KDM7A: variants seen among roughly 807,000 people sequenced by gnomAD.
KDM7A encodes lysine demethylase 7A, also known as lysine-specific demethylase 7A.
Under a neutral mutation model 114.8 loss-of-function variants are expected in KDM7A, and 28 were observed. The observed-to-expected ratio is 0.24, with a 90% CI of 0.18 to 0.33. KDM7A has a LOEUF of 0.33. Ranked by LOEUF, KDM7A falls within the 10% of genes least tolerant of loss-of-function variation. KDM7A has a pLI of 1.00. For synonymous variants in KDM7A, 423 were observed against 397.8 expected (o/e 1.06, Z -0.75); for missense variants, 942 against 1,142.5 (o/e 0.82, Z 2.53).
At chr7:140,150,904 A>G (rs1281581611) in intron 1 of KDM7A, among the ~76,000 whole-genome samples, 1 of 150,746 alleles carries the variant, frequency 6.6e-6, no homozygotes, top group Non-Finnish European at 1.5e-5. Context: ...TCTCAGCTCA[A>G]TGCAACCTCC....
At chr7:140,148,823 T>A (rs1794369321) in intron 1 of KDM7A, among the ~76,000 whole-genome samples, 1 of 152,212 alleles carries the variant, frequency 6.6e-6, no homozygotes, top group Non-Finnish European at 1.5e-5. Context: ...TAAAACTGTT[T>A]TCACAAAATT....
At chr7:140,172,788 T>C (rs1311338158) in intron 1 of KDM7A, among the ~76,000 whole-genome samples, 1 of 152,166 alleles carries the variant, frequency 6.6e-6, no homozygotes, top group African/African-American at 2.4e-5. Flanking sequence ...GGAAAAAGTA[T>C]ACATCAATGA....
At chr7:140,154,461 C>T (rs1585163745) in intron 1 of KDM7A, among the ~76,000 whole-genome samples, 2 of 146,874 alleles carry the variant, frequency 1.4e-5, no homozygotes, top group East Asian at 4.0e-4. Flanking sequence ...CGCTGCACTC[C>T]AGCCTGGGAG....
At chr7:140,145,023 C>T (rs1794325419) in intron 1 of KDM7A, among the ~76,000 whole-genome samples, 1 of 152,178 alleles carries the variant, frequency 6.6e-6, no homozygotes, top group Non-Finnish European at 1.5e-5. Context: ...AGCCATAGAA[C>T]CATGAGTCAA....
chr7:140,118,758 G>C (rs1204051529), intron 9 of KDM7A, among the ~76,000 whole-genome samples: 1 of 152,014 alleles, frequency 6.6e-6, no homozygotes. Flanking sequence ...CATATAATAG[G>C]TAACAGTCTC....
At chr7:140,152,858 A>G (rs1031584178) in intron 1 of KDM7A, among the ~76,000 whole-genome samples, 1 of 151,940 alleles carries the variant, frequency 6.6e-6, no homozygotes, top group Non-Finnish European at 1.5e-5. Flanking sequence ...CTCAAAGTCC[A>G]TTTTGTAATT....
intron 1 of KDM7A, among the ~76,000 whole-genome samples, chr7:140,148,443 CA>C (rs1332365544): frequency 1.3e-5 from 2 of 151,870 alleles, no homozygotes; most frequent in Admixed American, 6.6e-5. Context: ...GAAATAGTAA[CA>C]GTAACCCCCT....
At chr7:140,109,466 T>C (rs1818398090) in intron 11 of KDM7A, among the ~76,000 whole-genome samples, 1 of 152,256 alleles carries the variant, frequency 6.6e-6, no homozygotes, top group South Asian at 2.1e-4. Flanking sequence ...TCCCACACTT[T>C]ATCTATTCAC....
chr7:140,127,430 A>T lies in KDM7A; in HGVS notation c.701+12T>A. 1 of 1,609,226 alleles carries T rather than the reference A, an allele frequency of 6.2e-7. No individual in the cohort carries two copies. On this transcript the variant is annotated intron_variant, in intron 5 of 19. Transcript: ENST00000397560. ...CTCAGAATGCTAAACCAAAATACCC[A>T]GAACTACTCACTTTGTATCTGAAAA...
intron 2 of KDM7A, among the ~76,000 whole-genome samples, chr7:140,136,268 G>A (rs1818869273): frequency 6.6e-6 from 1 of 152,306 alleles, no homozygotes; most frequent in East Asian, 1.9e-4. Context: ...CATAGGTTAA[G>A]TACTTACTTA....
In KDM7A at chr7:140,088,833, C is replaced by A; in HGVS notation, c.*2261G>T. Reference sequence around the variant, plus strand: ...GCCTAAGGACACAGTGGATACTGGCCACAATTTTAATTCATAAAAATAAAT... The same window carrying A: ...GCCTAAGGACACAGTGGATACTGGCAACAATTTTAATTCATAAAAATAAAT... On this transcript the variant is annotated 3_prime_UTR_variant, in exon 20 of 20. Coordinates refer to ENST00000397560, the MANE Select transcript of KDM7A (RefSeq NM_030647.2). The A allele has an allele frequency of 3.6e-6, 1 of 277,594 alleles. No individual in the cohort carries two copies. Among genetic ancestry groups the A allele is most frequent in the Admixed American group, 5.2e-5 (1 of 19,284 alleles). The allele number at this position is 277,594 out of a possible 1,614,324, so 17.2% of individuals were successfully genotyped here.
rs142082411 is a variant in KDM7A at position 140,110,435 on chromosome 7, A to T, written c.1428+660T>A. Among the ~76,000 whole-genome samples the T allele has an allele frequency of 1.9e-4, 29 of 152,236 alleles. No homozygotes were observed. The East Asian group carries it at 5.0e-3, about 26-fold the overall frequency. ...AAGCAAGCATTTTAGTATTTTGTAA[A>T]TGTATACCTCTTTCCATTCTCCAAA... On this transcript the variant is annotated intron_variant, in intron 11 of 19. Coordinates refer to ENST00000397560, the MANE Select transcript of KDM7A (RefSeq NM_030647.2).
At chr7:140,175,888 T>C (rs1033927876) in intron 1 of KDM7A, among the ~76,000 whole-genome samples, 11 of 151,990 alleles carry the variant, frequency 7.2e-5, no homozygotes, top group African/African-American at 2.2e-4. Flanking sequence ...CTGCACTCTT[T>C]GTAAAGTTTA....
rs1223023020 is a variant in KDM7A, at chr7:140,176,684, CGGCGGCGGTTGGTCGGTGGCCGGCGGT to C, written c.194+33_194+59del. ...CGAGGGAGGCGCGGGCGGCCGGCGG[CGGCGGCGGTTGGTCGGTGGCCGGCGGT>C]GGCGGCTGCGGGGCTGGAGGGGGTT... On this transcript the variant is annotated intron_variant, in intron 1 of 19. Transcript: ENST00000397560. The surrounding 1 kb of genome is among the most constrained non-coding windows in gnomAD (Gnocchi z 4.4). 1.3e-5 allele frequency: 14 copies of C among 1,074,442 alleles called. No homozygotes were observed. The highest frequency in any genetic ancestry group is 7.3e-5 in the East Asian group (1 of 13,620). 66.6% of individuals were successfully genotyped at this position (1,074,442 alleles called of 1,614,324 possible). A position where few individuals can be genotyped will look rare whatever the true frequency, so the allele number is the denominator to read the frequency against.
intron 1 of KDM7A, among the ~76,000 whole-genome samples, chr7:140,155,563 T>A (rs1196811459): frequency 6.6e-6 from 1 of 152,228 alleles, no homozygotes; most frequent in African/African-American, 2.4e-5. Flanking sequence ...TAAGAAGACC[T>A]GTTGCCTAAT....
At chr7:140,127,942 T>A (rs1219695308) in intron 4 of KDM7A, among the ~76,000 whole-genome samples, 1 of 152,188 alleles carries the variant, frequency 6.6e-6, no homozygotes, top group East Asian at 1.9e-4. Flanking sequence ...CTGTCTGGAT[T>A]TCAGTTTTCT....
At chr7:140,143,073 C>T (rs1241124568) in intron 1 of KDM7A, among the ~76,000 whole-genome samples, 2 of 149,876 alleles carry the variant, frequency 1.3e-5, no homozygotes, top group Non-Finnish European at 3.0e-5. Flanking sequence ...CCCCACTACT[C>T]GGAGGCTGAG....
chr7:140,110,674 T>G (rs997296315), intron 11 of KDM7A, among the ~76,000 whole-genome samples: 13 of 152,166 alleles, frequency 8.5e-5, no homozygotes, highest in Non-Finnish European at 1.9e-4. Flanking sequence ...CCTAAGCATC[T>G]CCTTGCCCCA....
chr7:140,150,827 CTTT>C (rs922394260), intron 1 of KDM7A, among the ~76,000 whole-genome samples: 1,380 of 127,822 alleles, frequency 0.011, 17 homozygotes, highest in African/African-American at 0.039. Context: ...AATCTCTGTT[CTTT>C]TTTTTTTTTT....
Sources: allele counts gnomAD v4.1 joint callset (sites outside exome capture counted in the v4.1 genomes callset), GRCh38; gene constraint gnomAD v4.1.1; non-coding constraint Gnocchi (gnomAD v3.1); transcripts MANE v1.5; gene names NCBI Gene and HGNC (gene_info 2026-07-23, HGNC 2026-07-21).